UBE2O: variants seen among roughly 807,000 people sequenced by gnomAD.
UBE2O encodes the protein (E3-independent) E2 ubiquitin-conjugating enzyme.
In UBE2O, 15 loss-of-function variants were observed where a neutral mutation model predicts 125.8. That is an observed-to-expected ratio of 0.12 (90% CI 0.08 to 0.18). The LOEUF (loss-of-function observed/expected upper bound fraction) is 0.18. Among genes scored for constraint, UBE2O ranks in the 10% least tolerant of loss-of-function variants. UBE2O has a pLI of 1.00. For missense variants in UBE2O, 1,280 were observed against 1,723.6 expected (o/e 0.74, Z 4.56); for synonymous variants, 708 against 703.2 (o/e 1.01, Z -0.11).
rs534943122 is a variant in UBE2O at position 76,396,531 on chromosome 17, A to C, written c.2406T>G (p.Ala802=). The C allele has an allele frequency of 3.7e-6, 6 of 1,613,052 alleles. No homozygotes were observed. In the African/African-American group the frequency reaches 6.7e-5, roughly 18 times the overall value. ...AGCTCTTGGGTGGCCCGTCCTTGCCAGCCTTCTCCATCAGCCCGGCCATGG... is the reference window on the plus strand; with the variant it reads ...AGCTCTTGGGTGGCCCGTCCTTGCCCGCCTTCTCCATCAGCCCGGCCATGG... ...AAPMAGLMEK[A]GKDGPPKSFR... is the part of the protein sequence containing the mutation. The change falls in exon 14 of 18, where the codon GCT becomes GCG. Residue 802 remains alanine, a synonymous_variant. Transcript: ENST00000319380. This position sits in a 1 kb window ranked among gnomAD's most constrained non-coding sequence, Gnocchi z 6.7.
At chr17:76,411,661 G>A (rs867302755) in intron 1 of UBE2O, among the ~76,000 whole-genome samples, 3 of 152,140 alleles carry the variant, frequency 2.0e-5, no homozygotes, top group Non-Finnish European at 2.9e-5. Context: ...CGCTTCTGGA[G>A]GTTAGTGATG....
chr17:76,443,091 A>G (rs2073099801), intron 1 of UBE2O, among the ~76,000 whole-genome samples: 1 of 152,142 alleles, frequency 6.6e-6, no homozygotes, highest in Non-Finnish European at 1.5e-5. Flanking sequence ...TTAGTACCAG[A>G]CATAATTCAG....
chr17:76,417,531 T>C (rs2072635570), intron 1 of UBE2O, among the ~76,000 whole-genome samples: 1 of 152,102 alleles, frequency 6.6e-6, no homozygotes, highest in African/African-American at 2.4e-5. Flanking sequence ...GTTAATATGG[T>C]CAAAATTCTC....
chr17:76,440,481 C>A lies in UBE2O; in HGVS notation c.417+12244G>T, dbSNP rs551154624. 2.6e-5 allele frequency among the ~76,000 whole-genome samples: 4 copies of A among 152,266 alleles called. No individual in the cohort carries two copies. In the East Asian group the frequency reaches 5.8e-4, roughly 22 times the overall value. ...TAGTTGGGACTACAGGCGTAAGCTG[C>A]CACGCTAAGATGATTTCTGTACTTT... On this transcript the variant is annotated intron_variant, in intron 1 of 17. Transcript: ENST00000319380.
At chr17:76,423,951 T>C (rs958735392) in intron 1 of UBE2O, among the ~76,000 whole-genome samples, 3 of 142,238 alleles carry the variant, frequency 2.1e-5, no homozygotes, top group African/African-American at 7.8e-5. Flanking sequence ...ACCCAGGCTG[T>C]AGTGCTAGTG....
In UBE2O at chr17:76,397,678, C is replaced by A. The variant is rs188030652; in HGVS notation, c.2115+121G>T. 5.2e-5 allele frequency: 51 copies of A among 983,742 alleles called. No individual in the cohort carries two copies. The African/African-American group carries it at 6.7e-4, about 13-fold the overall frequency. The allele number at this position is 983,742 out of a possible 1,614,324, so 60.9% of individuals were successfully genotyped here. On this transcript the variant is annotated intron_variant, in intron 13 of 17. Transcript: ENST00000319380. ...TGTGGAATGCCTGCCTTTCCCCTCACGCTTTCGCTGAGATCTCACCAGGAA... is the reference window on the plus strand; with the variant it reads ...TGTGGAATGCCTGCCTTTCCCCTCAAGCTTTCGCTGAGATCTCACCAGGAA...
In UBE2O at chr17:76,396,117, G is replaced by T. The variant is rs778988244; in HGVS notation, c.2809+11C>A. ...CGGGGGAAGGCGAAGACCAGGCAAG[G>T]GCTGACTCACAGGGTGCAAACTCCA... On this transcript the variant is annotated intron_variant, in intron 14 of 17. Coordinates refer to ENST00000319380, the MANE Select transcript of UBE2O (RefSeq NM_022066.4). This position sits in a 1 kb window ranked among gnomAD's most constrained non-coding sequence, Gnocchi z 6.7. 6.8e-6 allele frequency: 11 copies of T among 1,610,750 alleles called. No homozygotes were observed. The South Asian group carries it at 1.2e-4, about 18-fold the overall frequency.
In UBE2O at chr17:76,399,762, A is replaced by G; in HGVS notation, c.1315T>C (p.Ser439Pro). 6.2e-7 allele frequency: 1 copy of G among 1,614,108 alleles called. No individual in the cohort carries two copies. Among genetic ancestry groups the G allele is most frequent in the Admixed American group, 1.7e-5 (1 of 60,022 alleles). ...TCCTGCATCTCCACTGGACTGGCAG[A>G]GCCATCGGGCGTCTCCTCAGGGCTG... ...SASPEETPDG[S>P]ASPVEMQDEG... Residue 439 changes from serine (S) to proline (P), a missense_variant, in exon 9 of 18, where the codon TCT becomes CCT. Ser to Pro is a moderately conservative substitution (Grantham distance 74). Around this residue, in one of 10 missense-constraint regions of UBE2O, gnomAD observed 141 missense variants for 141.3 expected, o/e 1.00. Transcript: ENST00000319380. This position sits in a 1 kb window ranked among gnomAD's most constrained non-coding sequence, Gnocchi z 6.9.
chr17:76,390,996 A>G lies in UBE2O; in HGVS notation c.3826T>C (p.Phe1276Leu), dbSNP rs1311906303. 3 of 1,613,522 alleles carry G rather than the reference A, an allele frequency of 1.9e-6. No individual in the cohort carries two copies. The African/African-American group carries it at 4.0e-5, about 22-fold the overall frequency. ...CCTGCCTCTAGCAGGGCAGCCCGGA[A>G]CTGCGTCAGGACACCCCGGATGCTC... ...IKSIRGVLTQFRAALLEAGMP... is the reference protein window; with the variant it reads ...IKSIRGVLTQLRAALLEAGMP... Residue 1276 changes from phenylalanine (F) to leucine (L), a missense_variant, in exon 18 of 18, where the codon TTC (phenylalanine) becomes CTC (leucine). Physicochemically the swap from Phe to Leu is conservative, Grantham distance 22 (BLOSUM62 0). Around this residue, in one of 10 missense-constraint regions of UBE2O, gnomAD observed 233 missense variants for 279.0 expected, o/e 0.84. Coordinates refer to ENST00000319380, the MANE Select transcript of UBE2O (RefSeq NM_022066.4).
chr17:76,396,745 G>A lies in UBE2O; in HGVS notation c.2192C>T (p.Ser731Leu), dbSNP rs756176989. 10 of 1,613,788 alleles carry A rather than the reference G, an allele frequency of 6.2e-6. No individual in the cohort carries two copies. The African/African-American group carries it at 8.0e-5, about 13-fold the overall frequency. The change falls in exon 14 of 18, where the codon TCG becomes TTG. Residue 731 changes from serine to leucine, a missense_variant. By Grantham distance (145) the Ser-to-Leu change is moderately radical. Transcript: ENST00000319380. The surrounding 1 kb of genome is among the most constrained non-coding windows in gnomAD (Gnocchi z 6.7). ...SVEGSTSGASSDEWEDDSDSW... is the reference protein window; with the variant it reads ...SVEGSTSGASLDEWEDDSDSW... Reference sequence around the variant, plus strand: ...GTCACTATCATCTTCCCATTCATCCGAGGATGCCCCGCTGGTGCTGCCTTC... The same window carrying A: ...GTCACTATCATCTTCCCATTCATCCAAGGATGCCCCGCTGGTGCTGCCTTC...
chr17:76,431,837 C>G lies in UBE2O; in HGVS notation c.417+20888G>C, dbSNP rs117065023. 6.7e-3 allele frequency among the ~76,000 whole-genome samples: 1,027 copies of G among 152,240 alleles called. 7 individuals carry two copies. Among genetic ancestry groups the G allele is most frequent in the South Asian group, 0.025 (122 of 4,808 alleles). On this transcript the variant is annotated intron_variant, in intron 1 of 17. Transcript: ENST00000319380. ...GCTCCATTAGAAACTCCCCCAGACA[C>G]CTGAAAGGGCCACACATCCGCTCCT...
At chr17:76,451,779 G>GGT (rs71280850) in intron 1 of UBE2O, among the ~76,000 whole-genome samples, 25 of 137,422 alleles carry the variant, frequency 1.8e-4, no homozygotes, top group African/African-American at 5.6e-4. Flanking sequence ...GATACAGGGG[G>GGT]GTGTGTGTGT....
rs547748940 is a variant in UBE2O, at chr17:76,430,196, A to G, written c.417+22529T>C. Among the ~76,000 whole-genome samples the G allele has an allele frequency of 3.3e-5, 5 of 152,170 alleles. No individual in the cohort carries two copies. The South Asian group carries it at 1.0e-3, about 32-fold the overall frequency. ...TTCTAGAAATTGGAGATCTTTTGTT[A>G]TTGTTTTCTCTCCCATTCTGTGTCC... On this transcript the variant is annotated intron_variant, in intron 1 of 17. Coordinates refer to ENST00000319380, the MANE Select transcript of UBE2O (RefSeq NM_022066.4).
intron 1 of UBE2O, among the ~76,000 whole-genome samples, chr17:76,414,997 A>G (rs1462389764): frequency 6.6e-6 from 1 of 152,202 alleles, no homozygotes; most frequent in Non-Finnish European, 1.5e-5. Flanking sequence ...AAGGCAGAAA[A>G]GTGATCAGCA....
chr17:76,390,671 A>G lies in UBE2O; in HGVS notation c.*272T>C, dbSNP rs2072091823. ...GGCAGCAAGGGAGCAAGTGCCGGAC[A>G]TTCTGCTGGGGTGACAAATGGAAAA... is the stretch of plus-strand genomic sequence containing the variant. On this transcript the variant is annotated 3_prime_UTR_variant, in exon 18 of 18. Coordinates refer to ENST00000319380, the MANE Select transcript of UBE2O (RefSeq NM_022066.4). 5.6e-6 allele frequency: 2 copies of G among 356,666 alleles called. No homozygotes were observed. Among genetic ancestry groups the G allele is most frequent in the East Asian group, 5.1e-5 (1 of 19,482 alleles). The allele number at this position is 356,666 out of a possible 1,614,324, so 22.1% of individuals were successfully genotyped here.
intron 1 of UBE2O, among the ~76,000 whole-genome samples, chr17:76,424,932 G>A (rs1418438505): frequency 1.3e-5 from 2 of 148,966 alleles, no homozygotes; most frequent in Non-Finnish European, 3.0e-5. Context: ...GTGCAGTGGC[G>A]CGATCTCAGC....
intron 1 of UBE2O, among the ~76,000 whole-genome samples, chr17:76,443,241 T>C (rs1460243376): frequency 6.6e-6 from 1 of 152,154 alleles, no homozygotes; most frequent in Non-Finnish European, 1.5e-5. Context: ...TATTAAAAAG[T>C]TGGGTCTTGG....
In UBE2O at chr17:76,396,554, T is replaced by C. The variant is rs2072212409; in HGVS notation, c.2383A>G (p.Met795Val). 1.2e-6 allele frequency: 2 copies of C among 1,611,508 alleles called. No individual in the cohort carries two copies. The highest frequency in any genetic ancestry group is 8.5e-7 in the Non-Finnish European group (1 of 1,179,132). The change falls in exon 14 of 18, where the codon ATG becomes GTG. Residue 795 changes from methionine (M) to valine (V), a missense_variant. Met to Val is a conservative substitution (Grantham distance 21). Around this residue, in one of 10 missense-constraint regions of UBE2O, gnomAD observed 210 missense variants for 268.9 expected, o/e 0.78. Transcript: ENST00000319380. The surrounding 1 kb of genome is among the most constrained non-coding windows in gnomAD (Gnocchi z 6.7). The part of the protein sequence containing the change: ...VQGAVAMAAP[M>V]AGLMEKAGKD... ...CCAGCCTTCTCCATCAGCCCGGCCATGGGGGCAGCCATGGCCACAGCCCCC... is the reference window on the plus strand; with the variant it reads ...CCAGCCTTCTCCATCAGCCCGGCCACGGGGGCAGCCATGGCCACAGCCCCC...
chr17:76,397,953 T>G, intron 12 of UBE2O, 65 bp from the exon 13 acceptor site: 5 of 1,539,578 alleles, frequency 3.2e-6, no homozygotes, highest in Middle Eastern at 1.7e-4. Context: ...GCCCCTCCTG[T>G]GCTCTGCAGT....
Sources: gnomAD v4.1 joint callset for allele counts (sites outside exome capture counted in the v4.1 genomes callset) on GRCh38, gnomAD v4.1.1 for gene constraint, gnomAD v4.1.1 regional missense constraint, Gnocchi (gnomAD v3.1) non-coding constraint, MANE v1.5 for transcripts, NCBI Gene and HGNC (gene_info 2026-07-23, HGNC 2026-07-21) for gene names.